Variants in LRRC28 observed in about 807,000 individuals in gnomAD.
LRRC28 encodes leucine rich repeat containing 28.
Under a neutral mutation model 45.7 loss-of-function variants are expected in LRRC28, and 39 were observed. The observed-to-expected ratio is 0.85, with a 90% confidence interval of 0.66 to 1.12. The LOEUF (loss-of-function observed/expected upper bound fraction) is 1.12, where lower values mean the gene tolerates loss of function less well. Ranked by LOEUF, LRRC28 falls within the 50% of genes most tolerant of loss-of-function variation. The probability of loss-of-function intolerance (pLI) is 0.00; values close to 1 mark genes in which losing one functional copy is unlikely to be tolerated. For missense variants in LRRC28, 435 were observed against 438.5 expected, an observed-to-expected ratio of 0.99 and a Z score of 0.07; for synonymous variants, 206 against 178.8, an observed-to-expected ratio of 1.15 and a Z score of -1.22.
intron 5 of LRRC28, among the ~76,000 whole-genome samples, chr15:99,325,648 A>G (rs1428736052): frequency 6.6e-6 from 1 of 152,234 alleles, no homozygotes; most frequent in African/African-American, 2.4e-5. Context: ...GAGAGTAGTT[A>G]TCATGAGTGG....
intron 9 of LRRC28, among the ~76,000 whole-genome samples, chr15:99,363,809 T>C (rs1567699731): frequency 6.6e-6 from 1 of 152,212 alleles, no homozygotes; most frequent in Non-Finnish European, 1.5e-5. Flanking sequence ...AAAACCCCAA[T>C]AGTTCTACTT....
chr15:99,349,197 T>C (rs1246539623), intron 6 of LRRC28, among the ~76,000 whole-genome samples: 1 of 152,158 alleles, frequency 6.6e-6, no homozygotes, highest in Admixed American at 6.5e-5. Context: ...TTTCATCTCT[T>C]TTATTTTTTA....
intron 5 of LRRC28, among the ~76,000 whole-genome samples, chr15:99,327,347 G>A (rs377498520): frequency 1.3e-5 from 2 of 152,160 alleles, no homozygotes; most frequent in South Asian, 4.1e-4. Context: ...GGGATTATAG[G>A]TGTGAGCCAC....
At chr15:99,313,483 C>T (rs1199254367) in intron 5 of LRRC28, among the ~76,000 whole-genome samples, 1 of 152,052 alleles carries the variant, frequency 6.6e-6, no homozygotes, top group African/African-American at 2.4e-5. Context: ...TTGCAGCACA[C>T]ATAGAATATT....
intron 6 of LRRC28, among the ~76,000 whole-genome samples, chr15:99,341,083 CTTTTTTT>C (rs528372394): frequency 0.1 from 10,138 of 100,134 alleles, 347 homozygotes; most frequent in East Asian, 0.31. Flanking sequence ...ATTCTACTGT[CTTTTTTT>C]TTTTTTTTTT....
intron 5 of LRRC28, among the ~76,000 whole-genome samples, chr15:99,305,812 A>C (rs969706554): frequency 1.2e-4 from 18 of 152,274 alleles, no homozygotes; most frequent in African/African-American, 3.8e-4. Flanking sequence ...TCTCCACTCA[A>C]ATCTCCTTGA....
chr15:99,285,470 A>G (rs2081932931), intron 3 of LRRC28: 6 of 875,640 alleles, frequency 6.9e-6, no homozygotes, highest in Admixed American at 1.8e-5. Context: ...AGCGTTCCCC[A>G]TTGCTCAGAG....
intron 5 of LRRC28, among the ~76,000 whole-genome samples, chr15:99,333,448 A>G (rs180771363): frequency 9.9e-5 from 15 of 152,268 alleles, no homozygotes; most frequent in Admixed American, 6.5e-4. Flanking sequence ...TCTAATTTCT[A>G]CTCCAGAAAT....
At chr15:99,291,574 C>T (rs2082122561) in intron 5 of LRRC28, among the ~76,000 whole-genome samples, 1 of 152,218 alleles carries the variant, frequency 6.6e-6, no homozygotes, top group Admixed American at 6.5e-5. Context: ...CATTTGACCA[C>T]AGTAGGCACC....
chr15:99,352,668 C>T (rs1358836701), intron 7 of LRRC28, 197 bp downstream of exon 7: 1 of 530,870 alleles, frequency 1.9e-6, no homozygotes, highest in African/African-American at 1.9e-5. Context: ...AAAAATGAAT[C>T]CATGTATACC....
intron 2 of LRRC28, chr15:99,259,284 G>T: frequency 9.0e-7 from 1 of 1,106,332 alleles, no homozygotes; most frequent in South Asian, 1.2e-5. Flanking sequence ...TTTGTTTAGC[G>T]ACTTCTGAAA....
chr15:99,296,533 T>C (rs1309122338), intron 5 of LRRC28, among the ~76,000 whole-genome samples: 1 of 152,182 alleles, frequency 6.6e-6, no homozygotes, highest in African/African-American at 2.4e-5. Context: ...AGCTAGCACT[T>C]CTCTCACTAA....
intron 2 of LRRC28, among the ~76,000 whole-genome samples, chr15:99,275,782 G>C (rs781390307): frequency 1.3e-5 from 2 of 152,018 alleles, no homozygotes; most frequent in Non-Finnish European, 2.9e-5. Flanking sequence ...CCCTCTCTCT[G>C]TGTCTGTGAA....
chr15:99,381,820 T>G (rs1183554173), intron 9 of LRRC28, among the ~76,000 whole-genome samples: 1 of 152,238 alleles, frequency 6.6e-6, no homozygotes, highest in Non-Finnish European at 1.5e-5. Context: ...TGCCTGGGTA[T>G]CAGCAGCAGA....
At chr15:99,378,184 A>G (rs975688737) in intron 9 of LRRC28, among the ~76,000 whole-genome samples, 25 of 152,100 alleles carry the variant, frequency 1.6e-4, no homozygotes, top group Non-Finnish European at 3.2e-4. Flanking sequence ...AGCATGGAAT[A>G]TTCTTCCATT....
intron 5 of LRRC28, among the ~76,000 whole-genome samples, chr15:99,329,699 C>T (rs1045967509): frequency 6.6e-6 from 1 of 152,150 alleles, no homozygotes; most frequent in Non-Finnish European, 1.5e-5. Context: ...TTGAGATCTT[C>T]GCTCTTTGGA....
chr15:99,306,190 T>C (rs1198886412), intron 5 of LRRC28, among the ~76,000 whole-genome samples: 2 of 152,234 alleles, frequency 1.3e-5, no homozygotes, highest in Non-Finnish European at 2.9e-5. Context: ...TCTTTGCTGT[T>C]GTCCCAGACA....
intron 5 of LRRC28, 77 bp from the exon 6 acceptor site, chr15:99,333,846 C>T: frequency 2.1e-6 from 3 of 1,425,868 alleles, no homozygotes; most frequent in Non-Finnish European, 2.9e-6. Flanking sequence ...TTTGGTTAAA[C>T]TGTTATAATA....
intron 1 of LRRC28, among the ~76,000 whole-genome samples, chr15:99,252,529 C>G (rs1419515868): frequency 6.6e-6 from 1 of 152,200 alleles, no homozygotes; most frequent in Admixed American, 6.5e-5. Context: ...GGTGCACACG[C>G]TTTGTAGTCA....
Sources: allele counts gnomAD v4.1 joint callset (sites outside exome capture counted in the v4.1 genomes callset), GRCh38; gene constraint gnomAD v4.1.1; transcripts MANE v1.5; gene names NCBI Gene and HGNC (gene_info 2026-07-23, HGNC 2026-07-21).